RAB12: variants seen among roughly 807,000 people sequenced by gnomAD.
The protein encoded by RAB12 is RAB12, member RAS oncogene family, also known as ras-related protein Rab-12.
In RAB12, 11 loss-of-function variants were observed where a neutral mutation model predicts 28.4. That is an observed-to-expected ratio of 0.39 (90% CI 0.24 to 0.64). RAB12 has a LOEUF of 0.64. Among genes scored for constraint, RAB12 ranks in the 30% least tolerant of loss-of-function variants. RAB12 has a pLI of 0.50. For synonymous variants in RAB12, 138 were observed against 145.3 expected, an observed-to-expected ratio of 0.95 and a Z score of 0.36; for missense variants, 276 against 351.1, an observed-to-expected ratio of 0.79 and a Z score of 1.71.
chr18:8,622,034 G>A (rs9955120), intron 1 of RAB12, among the ~76,000 whole-genome samples: 19,216 of 152,136 alleles, frequency 0.13, 1,399 homozygotes, highest in Admixed American at 0.17. Context: ...GCTGGAGTTC[G>A]GTAAGTTGTT....
intron 1 of RAB12, 200 bp downstream of exon 1, chr18:8,610,153 A>G (rs1232434618): frequency 4.0e-6 from 2 of 493,838 alleles, no homozygotes; most frequent in Non-Finnish European, 7.2e-6. Context: ...GCCTCCGGGC[A>G]GACCTGCCCT....
chr18:8,638,802 A>G lies in RAB12; in HGVS notation c.*540A>G, dbSNP rs190874343. 2.6e-5 allele frequency: 4 copies of G among 153,286 alleles called. No homozygotes were observed. The East Asian group carries it at 7.7e-4, about 30-fold the overall frequency. 9.5% of individuals were successfully genotyped at this position (153,286 alleles called of 1,614,324 possible). A position where few individuals can be genotyped will look rare whatever the true frequency, so the allele number is the denominator to read the frequency against. On this transcript the variant is annotated 3_prime_UTR_variant, in exon 6 of 6. Coordinates refer to ENST00000649141, the MANE Select transcript of RAB12 (RefSeq NM_001025300.3). ...CCATTCATGGCCGTCATGGAAGGTT[A>G]TTTATTAATGTTACATAATGGTAGA...
At chr18:8,618,568 G>A (rs2148707222) in intron 1 of RAB12, among the ~76,000 whole-genome samples, 1 of 151,630 alleles carries the variant, frequency 6.6e-6, no homozygotes, top group South Asian at 2.1e-4. Context: ...GGAGTACAGT[G>A]GCGCGATATT....
At chr18:8,632,155 G>A (rs2096016321) in intron 2 of RAB12, among the ~76,000 whole-genome samples, 1 of 151,966 alleles carries the variant, frequency 6.6e-6, no homozygotes, top group Non-Finnish European at 1.5e-5. Flanking sequence ...GCGCATGCCT[G>A]TAATCCCAGG....
intron 3 of RAB12, among the ~76,000 whole-genome samples, chr18:8,634,635 A>G (rs2096017891): frequency 1.3e-5 from 2 of 152,030 alleles, no homozygotes; most frequent in South Asian, 4.1e-4. Context: ...TCCTTTTGTC[A>G]TCAACTGCTG....
At chr18:8,637,703 G>T (rs575978475) in intron 5 of RAB12, among the ~76,000 whole-genome samples, 1 of 152,042 alleles carries the variant, frequency 6.6e-6, no homozygotes, top group South Asian at 2.1e-4. Flanking sequence ...AAAACTTAAC[G>T]ACTAAAAGCC....
intron 1 of RAB12, among the ~76,000 whole-genome samples, chr18:8,621,642 G>A (rs1198539275): frequency 2.0e-5 from 3 of 152,028 alleles, no homozygotes; most frequent in African/African-American, 7.2e-5. Context: ...TTTAGGGTCA[G>A]GGGGTACATG....
At chr18:8,635,202 A>C (rs1251791220) in intron 3 of RAB12, 2 of 169,504 alleles carry the variant, frequency 1.2e-5, no homozygotes, top group African/African-American at 4.8e-5. Context: ...ATTTTGTTTG[A>C]CTTGTAGGTT....
chr18:8,626,783 T>A (rs948994642), intron 2 of RAB12, among the ~76,000 whole-genome samples: 1 of 152,244 alleles, frequency 6.6e-6, no homozygotes, highest in African/African-American at 2.4e-5. Flanking sequence ...TGATTCTCCC[T>A]TGACTCTTTA....
At chr18:8,635,394 G>A (rs577820681) in intron 3 of RAB12, 139 bp from the exon 4 acceptor site, 46 of 644,282 alleles carry the variant, frequency 7.1e-5, no homozygotes, top group African/African-American at 6.2e-4. Flanking sequence ...TCCTGCCTGG[G>A]AACTGGTAGA....
chr18:8,618,187 T>C (rs565008601), intron 1 of RAB12, among the ~76,000 whole-genome samples: 1 of 152,106 alleles, frequency 6.6e-6, no homozygotes, highest in Non-Finnish European at 1.5e-5. Flanking sequence ...CAAGGCTGTC[T>C]CCTTGTGCTT....
At chr18:8,625,148 AAGAG>A in intron 2 of RAB12, 150 bp downstream of exon 2, 1 of 593,082 alleles carries the variant, frequency 1.7e-6, no homozygotes, top group Non-Finnish European at 3.0e-6. Flanking sequence ...TGTTTCCATC[AAGAG>A]AGAGAATTTA....
chr18:8,630,591 A>G (rs2096015389), intron 2 of RAB12, among the ~76,000 whole-genome samples: 1 of 152,210 alleles, frequency 6.6e-6, no homozygotes, highest in Non-Finnish European at 1.5e-5. Flanking sequence ...CCCTGGCCGA[A>G]GGGGAGGTCC....
intron 2 of RAB12, among the ~76,000 whole-genome samples, chr18:8,627,268 G>A (rs2096013264): frequency 6.6e-6 from 1 of 152,188 alleles, no homozygotes; most frequent in South Asian, 2.1e-4. Context: ...AGCTGGAAAC[G>A]GTCCCTCAAG....
Position 8,638,302 on chromosome 18 carries a change from A to C in RAB12, c.*40A>C. The C allele has an allele frequency of 6.9e-7, 1 of 1,441,468 alleles. No homozygotes were observed. Among genetic ancestry groups the C allele is most frequent in the South Asian group, 1.1e-5 (1 of 87,162 alleles). The allele number at this position is 1,441,468 out of a possible 1,614,324, so 89.3% of individuals were successfully genotyped here. On this transcript the variant is annotated 3_prime_UTR_variant, in exon 6 of 6. Transcript: ENST00000649141. ...GACAAAGTGGAAATGATTCCTGGAAAGGGGAAAAAACGTTCTATTCTGCAC... is the reference window on the plus strand; with the variant it reads ...GACAAAGTGGAAATGATTCCTGGAACGGGGAAAAAACGTTCTATTCTGCAC...
At chr18:8,612,759 C>T (rs1251382286) in intron 1 of RAB12, among the ~76,000 whole-genome samples, 2 of 152,234 alleles carry the variant, frequency 1.3e-5, no homozygotes, top group Non-Finnish European at 2.9e-5. Flanking sequence ...CAGCCTCGAC[C>T]TGCCAGGCTC....
intron 1 of RAB12, among the ~76,000 whole-genome samples, chr18:8,613,937 C>T (rs2096005312): frequency 6.6e-6 from 1 of 152,098 alleles, no homozygotes; most frequent in South Asian, 2.1e-4. Flanking sequence ...AAAGTTATCC[C>T]CGTTTTACAG....
Position 8,636,267 on chromosome 18 carries a change from C to A in RAB12, c.819C>A (p.Ile273=). ...RQQGEKFAQQ[I]TGMRFCEASA... ...TTTCTTCTCAGTTTGCACAGCAGAT[C>A]ACTGGGATGCGGTTCTGTGAAGCAA... Residue 273 remains isoleucine (I), a synonymous_variant, in exon 5 of 6, where the codon ATC becomes ATA. Transcript: ENST00000649141. 6.2e-7 allele frequency: 1 copy of A among 1,612,528 alleles called. No homozygotes were observed. The highest frequency in any genetic ancestry group is 1.1e-5 in the South Asian group (1 of 91,024).
rs1028215547 is a variant in RAB12, at chr18:8,633,177, G to A, written c.576-12G>A. 7 of 1,613,924 alleles carry A rather than the reference G, an allele frequency of 4.3e-6. No homozygotes were observed. Among genetic ancestry groups the A allele is most frequent in the Non-Finnish European group, 5.9e-6 (7 of 1,179,954 alleles). On this transcript the variant is annotated splice_polypyrimidine_tract_variant and intron_variant, in intron 2 of 5. Coordinates refer to ENST00000649141, the MANE Select transcript of RAB12 (RefSeq NM_001025300.3). ...CATTATTTGGGAACTGACTTTGGCT[G>A]CTTTTTCTTAGGGACACAGCAGGTC...
Sources: allele counts gnomAD v4.1 joint callset (sites outside exome capture counted in the v4.1 genomes callset), GRCh38; gene constraint gnomAD v4.1.1; transcripts MANE v1.5; gene names NCBI Gene and HGNC (gene_info 2026-07-23, HGNC 2026-07-21).